SAMD13: variants seen among roughly 807,000 people sequenced by gnomAD.
SAMD13 encodes sterile alpha motif domain containing 13.
Under a neutral mutation model 12.4 loss-of-function variants are expected in SAMD13, and 9 were observed. The observed-to-expected ratio is 0.72, with a 90% CI of 0.44 to 1.26. The LOEUF (loss-of-function observed/expected upper bound fraction) is 1.26, where lower values mean the gene tolerates loss of function less well. Among genes scored for constraint, SAMD13 ranks in the 50% most tolerant of loss-of-function variants. The pLI, the probability that SAMD13 is intolerant of heterozygous loss-of-function variation, is 0.00. For missense variants in SAMD13, 84 were observed against 119.6 expected (o/e 0.70, Z 1.39); for synonymous variants, 46 against 45.4 (o/e 1.01, Z -0.05).
At chr1:84,312,853 A>G (rs1678744556) in intron 2 of SAMD13, among the ~76,000 whole-genome samples, 1 of 152,212 alleles carries the variant, frequency 6.6e-6, no homozygotes, top group Non-Finnish European at 1.5e-5. Flanking sequence ...CTGCTACCAT[A>G]TTGAAAAGCA....
chr1:84,335,909 AG>A (rs1679278914), intron 3 of SAMD13, among the ~76,000 whole-genome samples: 3 of 152,202 alleles, frequency 2.0e-5, no homozygotes, highest in African/African-American at 7.2e-5. Flanking sequence ...TCTGCTGAAA[AG>A]TCTGCTGTTA....
chr1:84,299,499 C>T, upstream of SAMD13: 1 of 780,670 alleles, frequency 1.3e-6, no homozygotes, highest in Non-Finnish European at 1.8e-6. Flanking sequence ...ACCACATACA[C>T]ACACACCCCC....
At chr1:84,340,304 G>A (rs773191658) in intron 3 of SAMD13, among the ~76,000 whole-genome samples, 3 of 152,184 alleles carry the variant, frequency 2.0e-5, no homozygotes, top group Non-Finnish European at 4.4e-5. Flanking sequence ...TTGAAAACAT[G>A]TTAAATGAAA....
intron 3 of SAMD13, among the ~76,000 whole-genome samples, chr1:84,348,984 C>G (rs1240519158): frequency 1.3e-5 from 2 of 152,076 alleles, no homozygotes; most frequent in Non-Finnish European, 2.9e-5. Context: ...TTCTAATGCC[C>G]AATGTTGCAA....
At chr1:84,315,392 T>C (rs907296154) in intron 2 of SAMD13, among the ~76,000 whole-genome samples, 1 of 152,192 alleles carries the variant, frequency 6.6e-6, no homozygotes, top group Non-Finnish European at 1.5e-5. Context: ...TCAAGGTTCA[T>C]CCATTTTGTT....
At position 84,350,052 on chromosome 1, in the gene SAMD13, G is replaced by A. The variant is rs1171917763; in HGVS notation, c.*278G>A. 8.9e-6 allele frequency: 3 copies of A among 337,112 alleles called. No individual in the cohort carries two copies. The highest frequency in any genetic ancestry group is 1.4e-5 in the Non-Finnish European group (3 of 210,494). The allele number at this position is 337,112 out of a possible 1,614,324, so 20.9% of individuals were successfully genotyped here. Reference sequence around the variant, plus strand: ...AGACACTCCTCCCCACAAAGGCTTTGAAATCATAAGGATTTTCCTCATCTC... The same window carrying A: ...AGACACTCCTCCCCACAAAGGCTTTAAAATCATAAGGATTTTCCTCATCTC... On this transcript the variant is annotated 3_prime_UTR_variant, in exon 4 of 4. Transcript: ENST00000394834.
At chr1:84,330,046 G>A (rs1448345452) in intron 3 of SAMD13, among the ~76,000 whole-genome samples, 2 of 152,206 alleles carry the variant, frequency 1.3e-5, no homozygotes, top group African/African-American at 4.8e-5. Context: ...ACACTGTGGT[G>A]TGGGGGCTAT....
chr1:84,347,659 G>A (rs566349150), intron 3 of SAMD13, among the ~76,000 whole-genome samples: 8 of 152,158 alleles, frequency 5.3e-5, no homozygotes, highest in East Asian at 1.9e-4. Context: ...GGGCTTTACC[G>A]TTCAGTAAAA....
chr1:84,311,486 C>T (rs1023797940), intron 2 of SAMD13, among the ~76,000 whole-genome samples: 4 of 152,110 alleles, frequency 2.6e-5, no homozygotes, highest in African/African-American at 9.7e-5. Flanking sequence ...TGGCAAAGAA[C>T]ACAGATTATT....
chr1:84,311,511 C>T (rs969573547), intron 2 of SAMD13, among the ~76,000 whole-genome samples: 2 of 152,164 alleles, frequency 1.3e-5, no homozygotes, highest in Admixed American at 6.6e-5. Flanking sequence ...TCACTGTCTT[C>T]TATTTCTTTT....
intron 3 of SAMD13, among the ~76,000 whole-genome samples, chr1:84,336,098 C>A (rs988547318): frequency 6.6e-5 from 10 of 152,202 alleles, no homozygotes; most frequent in Admixed American, 6.5e-5. Flanking sequence ...CCCTCTCTAG[C>A]AAGGTTGGGG....
At chr1:84,333,518 A>G (rs950956222) in intron 3 of SAMD13, among the ~76,000 whole-genome samples, 8 of 151,948 alleles carry the variant, frequency 5.3e-5, no homozygotes, top group South Asian at 4.1e-4. Context: ...CTTAGGTGCT[A>G]TCAGTGTATG....
In SAMD13 at chr1:84,329,395, C is replaced by A. The variant is rs574589586; in HGVS notation, c.165+3647C>A. Among the ~76,000 whole-genome samples the A allele has an allele frequency of 1.2e-4, 19 of 152,284 alleles. No individual in the cohort carries two copies. In the South Asian group the frequency reaches 3.3e-3, roughly 27 times the overall value. The stretch of plus-strand genomic sequence containing the variant: ...GGCAAACATGTCCACCATCAGATGG[C>A]CTGACTTCCAGGACAGTATCTATCT... On this transcript the variant is annotated intron_variant, in intron 3 of 3. Coordinates refer to ENST00000394834, the MANE Select transcript of SAMD13 (RefSeq NM_001134663.2).
intron 2 of SAMD13, among the ~76,000 whole-genome samples, chr1:84,312,247 C>A (rs1358883412): frequency 6.6e-6 from 1 of 152,082 alleles, no homozygotes; most frequent in East Asian, 1.9e-4. Flanking sequence ...TTTTTTTACA[C>A]AACAAACAGC....
At chr1:84,338,506 C>G (rs548504915) in intron 3 of SAMD13, among the ~76,000 whole-genome samples, 1 of 146,624 alleles carries the variant, frequency 6.8e-6, no homozygotes, top group Non-Finnish European at 1.5e-5. Context: ...GGCGTGCTCT[C>G]AGCTCACTCC....
intron 2 of SAMD13, among the ~76,000 whole-genome samples, chr1:84,325,102 G>A (rs111442114): frequency 6.3e-4 from 96 of 152,300 alleles, no homozygotes; most frequent in African/African-American, 2.2e-3. Flanking sequence ...AGGAGGTTAT[G>A]ACTAAAACAC....
At position 84,350,236 on chromosome 1, in the gene SAMD13, G is replaced by T. The variant is rs1379725690; in HGVS notation, c.*462G>T. On this transcript the variant is annotated 3_prime_UTR_variant, in exon 4 of 4. Coordinates refer to ENST00000394834, the MANE Select transcript of SAMD13 (RefSeq NM_001134663.2). ...AATTCCTCTGTTCCTTAGAGCTTGTGTTACTTGGACGGAATTGCCAACACC... is the reference window on the plus strand; with the variant it reads ...AATTCCTCTGTTCCTTAGAGCTTGTTTTACTTGGACGGAATTGCCAACACC... 3 of 152,706 alleles carry T rather than the reference G, an allele frequency of 2.0e-5. No individual in the cohort carries two copies. The highest frequency in any genetic ancestry group is 2.9e-5 in the Non-Finnish European group (2 of 68,438). 9.5% of individuals were successfully genotyped at this position (152,706 alleles called of 1,614,324 possible). A position where few individuals can be genotyped will look rare whatever the true frequency, so the allele number is the denominator to read the frequency against.
intron 2 of SAMD13, among the ~76,000 whole-genome samples, chr1:84,319,309 A>G (rs1022798819): frequency 6.6e-6 from 1 of 152,134 alleles, no homozygotes; most frequent in Admixed American, 6.6e-5. Context: ...GTAAACAAAA[A>G]GTATTCATTG....
At chr1:84,341,318 T>C (rs1031235491) in intron 3 of SAMD13, among the ~76,000 whole-genome samples, 1 of 151,840 alleles carries the variant, frequency 6.6e-6, no homozygotes, top group Non-Finnish European at 1.5e-5. Context: ...TGGGGATTGG[T>C]AGAGATTTAA....
Sources: allele counts gnomAD v4.1 joint callset (sites outside exome capture counted in the v4.1 genomes callset), GRCh38; gene constraint gnomAD v4.1.1; transcripts MANE v1.5; gene names NCBI Gene and HGNC (gene_info 2026-07-23, HGNC 2026-07-21).